The following RABGAP1L variants were observed in gnomAD, a reference collection of about 807,000 sequenced individuals.
RABGAP1L encodes RAB GTPase activating protein 1 like, also known as rab GTPase-activating protein 1-like.
In RABGAP1L, 63 loss-of-function variants were observed where a neutral mutation model predicts 137.7. The observed-to-expected ratio is 0.46, with a 90% CI of 0.37 to 0.56. The LOEUF is 0.56. RABGAP1L is among the 20% of genes least tolerant of loss of function. RABGAP1L has a pLI of 0.00. For synonymous variants in RABGAP1L, 431 were observed against 433.7 expected (o/e 0.99, Z 0.08); for missense variants, 1,095 against 1,244.0 (o/e 0.88, Z 1.80).
At chr1:174,736,572 C>A (rs559245982) in intron 17 of RABGAP1L, among the ~76,000 whole-genome samples, 1 of 152,244 alleles carries the variant, frequency 6.6e-6, no homozygotes, top group African/African-American at 2.4e-5. Context: ...TAGGCAGTGC[C>A]CTGGTGGAGG....
At chr1:174,238,642 C>T (rs1169463225) in intron 4 of RABGAP1L, among the ~76,000 whole-genome samples, 1 of 150,296 alleles carries the variant, frequency 6.7e-6, no homozygotes, top group South Asian at 2.1e-4. Context: ...TCTCCAGCTG[C>T]GTGCTGGGAG....
chr1:174,611,116 A>G (rs1437886147), intron 13 of RABGAP1L, among the ~76,000 whole-genome samples: 2 of 148,878 alleles, frequency 1.3e-5, no homozygotes, highest in African/African-American at 2.5e-5. Flanking sequence ...TGTTTTAGAC[A>G]TGAAGTCCTT....
In RABGAP1L at chr1:174,441,250, G is replaced by A. The variant is rs569446910; in HGVS notation, c.1710+47105G>A. Among the ~76,000 whole-genome samples the A allele has an allele frequency of 4.6e-5, 7 of 151,786 alleles. No individual in the cohort carries two copies. In the South Asian group the frequency reaches 1.5e-3, roughly 32 times the overall value. ...GCAGCTGATGATTGTAAAAAAAAAT[G>A]GCAATAATAAGATACCTAATGACCC... On this transcript the variant is annotated intron_variant, in intron 13 of 25. Coordinates refer to ENST00000681986, the MANE Select transcript of RABGAP1L (RefSeq NM_001366446.1).
intron 19 of RABGAP1L, among the ~76,000 whole-genome samples, chr1:174,933,667 G>A (rs1272049613): frequency 1.3e-5 from 2 of 152,146 alleles, no homozygotes; most frequent in African/African-American, 4.8e-5. Flanking sequence ...CCAGCAATTT[G>A]TGCTTTAACA....
At chr1:174,892,185 C>G (rs1393765723) in intron 19 of RABGAP1L, among the ~76,000 whole-genome samples, 1 of 152,180 alleles carries the variant, frequency 6.6e-6, no homozygotes, top group East Asian at 1.9e-4. Flanking sequence ...CGGGTTGGGC[C>G]GGATGACCAG....
At chr1:174,723,536 A>G (rs1043008313) in intron 17 of RABGAP1L, among the ~76,000 whole-genome samples, 1 of 152,226 alleles carries the variant, frequency 6.6e-6, no homozygotes, top group Non-Finnish European at 1.5e-5. Flanking sequence ...CTATTGGGCC[A>G]TAGTAGTCAC....
rs1254467787 is a variant in RABGAP1L at position 174,252,602 on chromosome 1, G to C, written c.986+12G>C. ...TTAGCTATTGAAAGGTAAGCAGCTT[G>C]CTCCTAAATGCTACCAAAAACTTGT... On this transcript the variant is annotated intron_variant, in intron 7 of 25. Transcript: ENST00000681986. The C allele has an allele frequency of 1.2e-6, 2 of 1,602,278 alleles. No homozygotes were observed. The highest frequency in any genetic ancestry group is 2.3e-5 in the East Asian group (1 of 44,306).
At chr1:174,350,092 C>T (rs1156628640) in intron 11 of RABGAP1L, among the ~76,000 whole-genome samples, 2 of 138,150 alleles carry the variant, frequency 1.4e-5, no homozygotes, top group Admixed American at 6.9e-5. Context: ...GGGGGGCTGA[C>T]CCCCCCACCT....
At chr1:174,870,586 A>C (rs921885574) in intron 19 of RABGAP1L, among the ~76,000 whole-genome samples, 1 of 152,222 alleles carries the variant, frequency 6.6e-6, no homozygotes, top group African/African-American at 2.4e-5. Flanking sequence ...GTAGGTATCG[A>C]GTCAAATCAC....
chr1:174,849,029 G>T (rs992134205), intron 19 of RABGAP1L, among the ~76,000 whole-genome samples: 1 of 152,204 alleles, frequency 6.6e-6, no homozygotes, highest in African/African-American at 2.4e-5. Context: ...ACTCAGAAAG[G>T]GAACTCCCTG....
chr1:174,895,135 A>G (rs1415590051), intron 19 of RABGAP1L, among the ~76,000 whole-genome samples: 1 of 152,246 alleles, frequency 6.6e-6, no homozygotes, highest in African/African-American at 2.4e-5. Flanking sequence ...CATGGTAGAT[A>G]TTCTACTAAA....
At chr1:174,944,593 C>T (rs1573945629) in intron 19 of RABGAP1L, among the ~76,000 whole-genome samples, 1 of 149,634 alleles carries the variant, frequency 6.7e-6, no homozygotes, top group African/African-American at 2.5e-5. Context: ...GCTGTGATTG[C>T]ACCACTGCAC....
chr1:174,696,307 C>T (rs540924901), intron 15 of RABGAP1L, among the ~76,000 whole-genome samples: 1 of 152,032 alleles, frequency 6.6e-6, no homozygotes, highest in Non-Finnish European at 1.5e-5. Flanking sequence ...TTTCCACAAG[C>T]AGAAAAGGAG....
At chr1:174,664,720 T>TGC (rs1226900882) in intron 14 of RABGAP1L, among the ~76,000 whole-genome samples, 5 of 146,650 alleles carry the variant, frequency 3.4e-5, no homozygotes, top group Non-Finnish European at 7.4e-5. Context: ...TCTTTCTTTC[T>TGC]TTCTTTCTGC....
intron 11 of RABGAP1L, among the ~76,000 whole-genome samples, chr1:174,324,593 G>C (rs1236547368): frequency 3.3e-5 from 5 of 152,192 alleles, no homozygotes; most frequent in African/African-American, 4.8e-5. Flanking sequence ...AGAGTCATCA[G>C]TATGAAGCAA....
chr1:174,739,201 G>A (rs184153291), intron 17 of RABGAP1L, among the ~76,000 whole-genome samples: 16 of 151,934 alleles, frequency 1.1e-4, no homozygotes, highest in African/African-American at 2.7e-4. Context: ...TCCATTTTAC[G>A]GTTTAAATAA....
intron 1 of RABGAP1L, among the ~76,000 whole-genome samples, chr1:174,195,785 T>TTTTC (rs201234883): frequency 0.045 from 5,117 of 112,694 alleles, 263 homozygotes; most frequent in African/African-American, 0.094. Context: ...CCTTTCTTTC[T>TTTTC]TTTCTTTCTT....
chr1:174,349,869 C>A (rs1682926770), intron 11 of RABGAP1L, among the ~76,000 whole-genome samples: 1 of 144,712 alleles, frequency 6.9e-6, no homozygotes, highest in South Asian at 2.2e-4. Context: ...GCTGACCCCC[C>A]CACCTCCCTC....
rs182069009 is a variant in RABGAP1L, at chr1:174,525,785, T to G, written c.1711-111590T>G. Among the ~76,000 whole-genome samples the G allele has an allele frequency of 2.0e-5, 3 of 152,262 alleles. No individual in the cohort carries two copies. The East Asian group carries it at 5.8e-4, about 29-fold the overall frequency. ...GCTATGGGTTTGTCATTTATGGTCT[T>G]TATTATTTTGAGGTATATTCCTTCT... On this transcript the variant is annotated intron_variant, in intron 13 of 25. Coordinates refer to ENST00000681986, the MANE Select transcript of RABGAP1L (RefSeq NM_001366446.1).
Sources: allele counts gnomAD v4.1 joint callset (sites outside exome capture counted in the v4.1 genomes callset), GRCh38; gene constraint gnomAD v4.1.1; transcripts MANE v1.5; gene names NCBI Gene and HGNC (gene_info 2026-07-23, HGNC 2026-07-21).